CTPS2: variants seen among roughly 807,000 people sequenced by gnomAD.
CTPS2 encodes the protein CTP synthase 2.
CTPS2 carries 19 observed loss-of-function variants against 46.8 expected under a neutral mutation model. The ratio of observed to expected loss-of-function variants is 0.41; its 90% CI spans 0.28 to 0.60. The LOEUF (loss-of-function observed/expected upper bound fraction) is 0.60. Ranked by LOEUF, CTPS2 falls within the 20% of genes least tolerant of loss-of-function variation. The pLI is 0.35. For missense variants in CTPS2, 286 were observed against 447.6 expected, an observed-to-expected ratio of 0.64 and a Z score of 3.26; for synonymous variants, 151 against 165.2, an observed-to-expected ratio of 0.91 and a Z score of 0.66.
chrX:16,620,276 C>A lies in CTPS2; in HGVS notation c.1449+1G>T. The A allele has an allele frequency of 8.3e-7, 1 of 1,198,543 alleles. No homozygotes were observed. Among genetic ancestry groups the A allele is most frequent in the Non-Finnish European group, 1.1e-6 (1 of 884,376 alleles). ...CCAGTAATTCAGCATGAAAGCCGTA[C>A]CTCGAACCGATGTCTGTGTCTTTCT... On this transcript the variant is annotated splice_donor_variant, in intron 15 of 18. Transcript: ENST00000359276. LOFTEE classifies it high-confidence loss of function.
At chrX:16,602,926 G>A in intron 17 of CTPS2, among the ~76,000 whole-genome samples, 1 of 111,219 alleles carries the variant, frequency 9.0e-6, no homozygotes, top group Middle Eastern at 4.6e-3. Context: ...TGTTCAAATT[G>A]TCCAAAATAA....
chrX:16,627,676 A>G (rs1049370625), intron 14 of CTPS2, among the ~76,000 whole-genome samples: 1 of 111,485 alleles, frequency 9.0e-6, no homozygotes, highest in Non-Finnish European at 1.9e-5. Flanking sequence ...TGCATGCCCT[A>G]CTGGCCTAGA....
At chrX:16,700,180 G>A (rs1457288846) in intron 2 of CTPS2, among the ~76,000 whole-genome samples, 2 of 106,986 alleles carry the variant, frequency 1.9e-5, no homozygotes, top group Admixed American at 1.0e-4. Flanking sequence ...GCAGTGGTGC[G>A]ATCTCGGCTC....
At chrX:16,612,971 T>C (rs1930337884) in intron 16 of CTPS2, among the ~76,000 whole-genome samples, 1 of 112,359 alleles carries the variant, frequency 8.9e-6, no homozygotes, top group African/African-American at 3.2e-5. Context: ...GTCCATTGCT[T>C]TCCTTCTTTC....
intron 14 of CTPS2, among the ~76,000 whole-genome samples, chrX:16,634,401 T>G (rs1931634318): frequency 8.9e-6 from 1 of 111,772 alleles, no homozygotes; most frequent in Admixed American, 9.6e-5. Context: ...TCAGCTTTGA[T>G]AATTCTACAC....
chrX:16,601,783 G>A (rs1469846564), intron 17 of CTPS2, among the ~76,000 whole-genome samples: 1 of 111,685 alleles, frequency 9.0e-6, no homozygotes, highest in Non-Finnish European at 1.9e-5. Context: ...CAGGCACTAC[G>A]CTCAGTGCTT....
At chrX:16,692,170 C>T (rs1156482085) in intron 6 of CTPS2, among the ~76,000 whole-genome samples, 1 of 110,907 alleles carries the variant, frequency 9.0e-6, no homozygotes, top group African/African-American at 3.3e-5. Flanking sequence ...ATAAGAGCAG[C>T]GGACTGGGCG....
At chrX:16,612,158 T>C (rs930317186) in intron 16 of CTPS2, among the ~76,000 whole-genome samples, 2 of 112,437 alleles carry the variant, frequency 1.8e-5, no homozygotes, top group Admixed American at 1.9e-4. Flanking sequence ...GATGATGTTC[T>C]ATCAGTTAGA....
rs943144871 is a variant in CTPS2 at position 16,639,334 on chromosome X, G to A, written c.1297-91C>T. On this transcript the variant is annotated intron_variant, in intron 13 of 18. Coordinates refer to ENST00000359276, the MANE Select transcript of CTPS2 (RefSeq NM_175859.3). ...TTACGTTTAAAGGAATGATCATTGG[G>A]TAAGCATGGTCCCTAAACTATAACA... 31 of 645,772 alleles carry A rather than the reference G, an allele frequency of 4.8e-5. No individual in the cohort carries two copies. In the Admixed American group the frequency reaches 7.1e-4, roughly 15 times the overall value. The allele number at this position is 645,772 out of a possible 1,213,427, so 53.2% of individuals were successfully genotyped here.
At chrX:16,662,794 G>T (rs1415328518) in intron 13 of CTPS2, among the ~76,000 whole-genome samples, 1 of 108,103 alleles carries the variant, frequency 9.3e-6, no homozygotes, top group Non-Finnish European at 1.9e-5. Context: ...CCATAAAGAC[G>T]TTCAATAGCA....
chrX:16,599,480 T>C (rs1022425957), intron 17 of CTPS2, among the ~76,000 whole-genome samples: 2 of 103,861 alleles, frequency 1.9e-5, no homozygotes. Context: ...TTTTTTCTTT[T>C]TTTTTTTTTT....
At chrX:16,631,740 C>T (rs768881536) in intron 14 of CTPS2, among the ~76,000 whole-genome samples, 1 of 111,615 alleles carries the variant, frequency 9.0e-6, no homozygotes, top group East Asian at 2.8e-4. Flanking sequence ...CAAATTAAGG[C>T]CAGGGTCTTG....
At chrX:16,644,871 G>A (rs915105603) in intron 13 of CTPS2, among the ~76,000 whole-genome samples, 5 of 112,997 alleles carry the variant, frequency 4.4e-5, no homozygotes, top group Admixed American at 3.7e-4. Flanking sequence ...TAAATTAAGT[G>A]TAGGCTCATC....
chrX:16,625,621 T>C (rs750580429), intron 14 of CTPS2, among the ~76,000 whole-genome samples: 11 of 111,794 alleles, frequency 9.8e-5, no homozygotes, highest in Non-Finnish European at 1.5e-4. Flanking sequence ...GCCTGGGTTC[T>C]TGTCCGGAAT....
intron 17 of CTPS2, among the ~76,000 whole-genome samples, chrX:16,593,017 C>T (rs934545444): frequency 2.7e-5 from 3 of 111,483 alleles, no homozygotes; most frequent in Non-Finnish European, 5.6e-5. Flanking sequence ...AATAAATCAG[C>T]ACACTGATCT....
chrX:16,618,260 G>C (rs1356854024), intron 15 of CTPS2, among the ~76,000 whole-genome samples: 1 of 112,069 alleles, frequency 8.9e-6, no homozygotes, highest in Non-Finnish European at 1.9e-5. Context: ...CTATGTTGTA[G>C]CATAAATCAG....
chrX:16,691,637 T>C lies in CTPS2; in HGVS notation c.640-17A>G. 1 of 1,177,525 alleles carries C rather than the reference T, an allele frequency of 8.5e-7. No homozygotes were observed. The highest frequency in any genetic ancestry group is 1.2e-6 in the Non-Finnish European group (1 of 864,846). On this transcript the variant is annotated splice_polypyrimidine_tract_variant and intron_variant, in intron 6 of 18. Transcript: ENST00000359276. ...GCAGACAATCTGTCAAAGCCAGTTA[T>C]GCTTCAGCAAACAGGATTCACTTTC...
At chrX:16,614,118 C>CA (rs1200842422) in intron 16 of CTPS2, among the ~76,000 whole-genome samples, 1 of 110,959 alleles carries the variant, frequency 9.0e-6, no homozygotes, top group Non-Finnish European at 1.9e-5. Flanking sequence ...AAAAAAATTG[C>CA]AAAAAAATCT....
intron 14 of CTPS2, among the ~76,000 whole-genome samples, chrX:16,623,824 T>C (rs556127449): frequency 2.6e-4 from 18 of 68,758 alleles, no homozygotes; most frequent in Middle Eastern, 7.2e-3. Context: ...TTTTTTTTTT[T>C]CTGAGACGGA....
Sources: allele counts gnomAD v4.1 joint callset (sites outside exome capture counted in the v4.1 genomes callset), GRCh38; gene constraint gnomAD v4.1.1; transcripts MANE v1.5; gene names NCBI Gene and HGNC (gene_info 2026-07-23, HGNC 2026-07-21).